ARHGAP29: variants seen among roughly 807,000 people sequenced by gnomAD.
The protein encoded by ARHGAP29 is Rho GTPase activating protein 29, also known as rho GTPase-activating protein 29.
In ARHGAP29, 43 loss-of-function variants were observed where a neutral mutation model predicts 122.6. The ratio of observed to expected loss-of-function variants is 0.35; its 90% CI spans 0.27 to 0.45. The LOEUF is 0.45. Ranked by LOEUF, ARHGAP29 falls within the 20% of genes least tolerant of loss-of-function variation. ARHGAP29 has a pLI of 1.00. For missense variants in ARHGAP29, 1,303 were observed against 1,477.2 expected (o/e 0.88, Z 1.93); for synonymous variants, 506 against 497.1 (o/e 1.02, Z -0.24).
chr1:94,184,111 TTTTAA>T (rs775368304), intron 19 of ARHGAP29, 35 bp downstream of exon 19: 2 of 1,585,390 alleles, frequency 1.3e-6, no homozygotes, highest in Admixed American at 3.8e-5. Context: ...TTTTTGCTGT[TTTTAA>T]TTTAATGGTG....
At chr1:94,235,097 T>C (rs910792730) in intron 1 of ARHGAP29, among the ~76,000 whole-genome samples, 3 of 152,110 alleles carry the variant, frequency 2.0e-5, no homozygotes, top group African/African-American at 7.2e-5. Flanking sequence ...CTTTTCCTCT[T>C]ATAAAAAAGG....
At chr1:94,236,222 G>T (rs1653248130) in intron 1 of ARHGAP29, among the ~76,000 whole-genome samples, 2 of 152,114 alleles carry the variant, frequency 1.3e-5, no homozygotes, top group African/African-American at 4.8e-5. Context: ...TTAAAGGAAG[G>T]CATGCAATAC....
At chr1:94,276,639 G>T (rs1655200648), upstream of ARHGAP29, among the ~76,000 whole-genome samples, 1 of 151,490 alleles carries the variant, frequency 6.6e-6, no homozygotes. Context: ...AAATTAGCTG[G>T]GCATGGTGGC....
chr1:94,169,850 G>C lies in ARHGAP29; in HGVS notation c.*4019C>G, dbSNP rs938438371. Among the ~76,000 whole-genome samples, 8 of 152,200 alleles carry C rather than the reference G, an allele frequency of 5.3e-5. No homozygotes were observed. Among genetic ancestry groups the C allele is most frequent in the African/African-American group, 1.7e-4 (7 of 41,462 alleles). On this transcript the variant is annotated 3_prime_UTR_variant, in exon 23 of 23. Transcript: ENST00000260526. ...GCATCTCTAAGGAACACAGAAGCCA[G>C]CTTGAAGAGACTCCCAAAAACCAAA...
At chr1:94,252,669 GAAC>G (rs1654142102) in intron 1 of ARHGAP29, among the ~76,000 whole-genome samples, 1 of 151,362 alleles carries the variant, frequency 6.6e-6, no homozygotes, top group Non-Finnish European at 1.5e-5. Context: ...AAGGGAAAGG[GAAC>G]AAATCCCCAT....
rs773113529 is a variant in ARHGAP29 at position 94,184,884 on chromosome 1, A to G, written c.2097T>C (p.Ala699=). ...KICASEIENR[A]LCLQGIYRVC... ...AGTTATAATGTACCTGTAGACACAA[A>G]GCTCTATTTTCAATCTCTGAGGCAC... Residue 699 remains alanine, a synonymous_variant, in exon 18 of 23, where the codon GCT becomes GCC. Transcript: ENST00000260526. 5.0e-6 allele frequency: 8 copies of G among 1,595,606 alleles called. No individual in the cohort carries two copies. The East Asian group carries it at 1.8e-4, about 36-fold the overall frequency.
chr1:94,276,780 CAAAAAAAA>C (rs34090768), upstream of ARHGAP29, among the ~76,000 whole-genome samples: 1 of 40,614 alleles, frequency 2.5e-5, no homozygotes, highest in Non-Finnish European at 4.2e-5. Context: ...GACCCTGTCT[CAAAAAAAA>C]AAAAAAAAAA....
At chr1:94,207,043 C>G (rs1651246930) in intron 5 of ARHGAP29, among the ~76,000 whole-genome samples, 1 of 151,650 alleles carries the variant, frequency 6.6e-6, no homozygotes, top group Non-Finnish European at 1.5e-5. Context: ...GAGTCTCACT[C>G]TGTCACCCAG....
the ARHGAP29 span, among the ~76,000 whole-genome samples, chr1:94,290,389 A>AT: frequency 4.6e-5 from 7 of 152,020 alleles, no homozygotes; most frequent in East Asian, 5.8e-4. Flanking sequence ...GGATTCAATG[A>AT]TTTTTTGAAG....
At chr1:94,218,559 TC>T (rs2101576149) in intron 3 of ARHGAP29, among the ~76,000 whole-genome samples, 1 of 152,306 alleles carries the variant, frequency 6.6e-6, no homozygotes, top group South Asian at 2.1e-4. Flanking sequence ...GGTCGCTATT[TC>T]CAAGCATGGA....
intron 1 of ARHGAP29, 52 bp downstream of exon 1, chr1:94,237,363 C>G: frequency 3.1e-6 from 3 of 980,648 alleles, no homozygotes; most frequent in Non-Finnish European, 2.4e-6. Context: ...GCAACCCCAG[C>G]CCGGAGCCAC....
intron 1 of ARHGAP29, among the ~76,000 whole-genome samples, chr1:94,256,096 G>T (rs1654335661): frequency 1.3e-5 from 2 of 152,112 alleles, no homozygotes; most frequent in Admixed American, 6.6e-5. Context: ...CAAGGAAGGT[G>T]AACTATTTAC....
At chr1:94,266,149 G>A (rs971357865) in intron 1 of ARHGAP29, among the ~76,000 whole-genome samples, 1 of 152,178 alleles carries the variant, frequency 6.6e-6, no homozygotes, top group African/African-American at 2.4e-5. Flanking sequence ...GGAAGAGCTG[G>A]CCTTTCTACA....
At chr1:94,205,440 G>C (rs767614746) in intron 6 of ARHGAP29, among the ~76,000 whole-genome samples, 195 bp downstream of exon 6, 1 of 152,004 alleles carries the variant, frequency 6.6e-6, no homozygotes, top group Non-Finnish European at 1.5e-5. Flanking sequence ...CACAATTCTT[G>C]ATCAGTCTAT....
At chr1:94,279,255 C>A (rs188245642), upstream of ARHGAP29, among the ~76,000 whole-genome samples, 16 of 152,320 alleles carry the variant, frequency 1.1e-4, no homozygotes, top group Admixed American at 5.9e-4. Context: ...TAGTGGACAG[C>A]TGCTTATAGT....
intron 2 of ARHGAP29, among the ~76,000 whole-genome samples, chr1:94,223,632 T>C (rs1421578803): frequency 2.6e-5 from 4 of 152,024 alleles, no homozygotes; most frequent in Admixed American, 2.6e-4. Flanking sequence ...CATATATATG[T>C]ATGTATATAG....
chr1:94,184,766 A>G, intron 18 of ARHGAP29, 106 bp downstream of exon 18: 1 of 984,644 alleles, frequency 1.0e-6, no homozygotes, highest in South Asian at 1.9e-5. Flanking sequence ...AAACAGAACA[A>G]AACAAAAAAA....
chr1:94,242,911 T>C (rs897286062), intron 1 of ARHGAP29, among the ~76,000 whole-genome samples: 2 of 151,950 alleles, frequency 1.3e-5, no homozygotes, highest in Non-Finnish European at 2.9e-5. Context: ...AAAGCCAAAG[T>C]AGCTCTATAA....
At chr1:94,272,786 T>C (rs913323563) in intron 1 of ARHGAP29, among the ~76,000 whole-genome samples, 2 of 152,172 alleles carry the variant, frequency 1.3e-5, no homozygotes, top group Admixed American at 6.5e-5. Context: ...ACCTGCTCCC[T>C]TGCCCCTGTA....
Sources: allele counts gnomAD v4.1 joint callset (sites outside exome capture counted in the v4.1 genomes callset), GRCh38; gene constraint gnomAD v4.1.1; transcripts MANE v1.5; gene names NCBI Gene and HGNC (gene_info 2026-07-23, HGNC 2026-07-21).